Variants in ACSM3 observed in about 807,000 individuals in gnomAD.
The protein encoded by ACSM3 is acyl-coenzyme A synthetase ACSM3, mitochondrial.
Under a neutral mutation model 74.1 loss-of-function variants are expected in ACSM3, and 61 were observed. That is an observed-to-expected ratio of 0.82 (90% CI 0.67 to 1.02). The LOEUF (loss-of-function observed/expected upper bound fraction) is 1.02, where lower values mean the gene tolerates loss of function less well. ACSM3 is among the 50% of genes least tolerant of loss of function. The pLI, the probability that ACSM3 is intolerant of heterozygous loss-of-function variation, is 0.00. For synonymous variants in ACSM3, 213 were observed against 241.5 expected (o/e 0.88, Z 1.09); for missense variants, 660 against 697.0 (o/e 0.95, Z 0.60).
In ACSM3 at chr16:20,771,305, C is replaced by A. The variant is rs1324449117; in HGVS notation, c.219+1052C>A. ...TGAACTCCTGGTCTCAAGTGATCCG[C>A]CCACCTTGGCCTCCCAAAGCACTGG... On this transcript the variant is annotated intron_variant, in intron 2 of 13. Transcript: ENST00000289416. Among the ~76,000 whole-genome samples the A allele has an allele frequency of 3.3e-5, 5 of 152,136 alleles. No individual in the cohort carries two copies. In the East Asian group the frequency reaches 9.6e-4, roughly 29 times the overall value.
chr16:20,751,975 C>T (rs2079991929), intron 2 of ACSM3, among the ~76,000 whole-genome samples: 1 of 151,984 alleles, frequency 6.6e-6, no homozygotes. Context: ...TTCGTTTCCT[C>T]ACATTAAAAA....
At chr16:20,700,271 A>G (rs2079709570) in intron 1 of ACSM3, among the ~76,000 whole-genome samples, 1 of 152,172 alleles carries the variant, frequency 6.6e-6, no homozygotes, top group Non-Finnish European at 1.5e-5. Flanking sequence ...CATGTAAGAC[A>G]AGGTTGGTGC....
At chr16:20,792,726 G>A in intron 12 of ACSM3, 10 of 985,334 alleles carry the variant, frequency 1.0e-5, no homozygotes, top group Non-Finnish European at 1.1e-5. Context: ...AAGGAGAATG[G>A]GCTGGCATCA....
chr16:20,686,144 A>G (rs2079550133), intron 1 of ACSM3, among the ~76,000 whole-genome samples: 1 of 152,176 alleles, frequency 6.6e-6, no homozygotes, highest in African/African-American at 2.4e-5. Flanking sequence ...TAAATGCTCA[A>G]TAAATATTAT....
intron 2 of ACSM3, 123 bp downstream of exon 2, chr16:20,770,376 G>T: frequency 1.3e-6 from 1 of 793,222 alleles, no homozygotes; most frequent in South Asian, 1.8e-5. Context: ...AGTTGCTACT[G>T]GCATCTAACA....
At chr16:20,722,309 T>C (rs1465441104) in intron 1 of ACSM3, 1 of 152,184 alleles carries the variant, frequency 6.6e-6, no homozygotes, top group Admixed American at 6.5e-5. Context: ...GTTGCAACAA[T>C]GTTTTTGGTT....
At chr16:20,789,915 C>G (rs1048152923) in intron 9 of ACSM3, among the ~76,000 whole-genome samples, 17 of 151,682 alleles carry the variant, frequency 1.1e-4, no homozygotes, top group Non-Finnish European at 2.1e-4. Context: ...CTCAGGCGAT[C>G]CACCCGCCTC....
intron 1 of ACSM3, among the ~76,000 whole-genome samples, chr16:20,742,813 A>ATATATATATATATATTTTT (rs61582869): frequency 4.5e-5 from 3 of 66,820 alleles, no homozygotes; most frequent in African/African-American, 1.3e-4. Flanking sequence ...ATATATATAT[A>ATATATATATATATATTTTT]TTTTTTTTTT....
At chr16:20,767,198 G>A (rs1477575560) in intron 1 of ACSM3, among the ~76,000 whole-genome samples, 3 of 152,148 alleles carry the variant, frequency 2.0e-5, no homozygotes, top group South Asian at 4.1e-4. Context: ...GCAGCCAAAA[G>A]CATAGGTTGT....
rs144491412 is a variant in ACSM3 at position 20,788,907 on chromosome 16, G to A, written c.1225-1680G>A. ...CAAGAGCTTAAAGAGAAGTTTTTAC[G>A]CTTAGAATTCCTTTGCCATTTAAGT... On this transcript the variant is annotated intron_variant, in intron 9 of 13. Transcript: ENST00000289416. Among the ~76,000 whole-genome samples the A allele has an allele frequency of 2.6e-3, 403 of 152,164 alleles. 1 individual carries two copies. Among genetic ancestry groups the A allele is most frequent in the Admixed American group, 6.3e-3 (96 of 15,272 alleles).
In ACSM3 at chr16:20,797,322, C is replaced by G; in HGVS notation, c.*350C>G. The G allele has an allele frequency of 9.9e-7, 1 of 1,014,968 alleles. No homozygotes were observed. Among genetic ancestry groups the G allele is most frequent in the Non-Finnish European group, 1.2e-6 (1 of 850,598 alleles). 62.9% of individuals were successfully genotyped at this position (1,014,968 alleles called of 1,614,324 possible). On this transcript the variant is annotated 3_prime_UTR_variant, in exon 14 of 14. Coordinates refer to ENST00000289416, the MANE Select transcript of ACSM3 (RefSeq NM_005622.4). ...TCTTCTGATATGTTGATATACAAAT[C>G]AGAACCAATGTTCAAGCCTGAAATA...
rs187852697 is a variant in ACSM3, at chr16:20,786,770, C to G, written c.1224+612C>G. 7.6e-3 allele frequency among the ~76,000 whole-genome samples: 1,151 copies of G among 152,292 alleles called. 10 individuals carry two copies. Among genetic ancestry groups the G allele is most frequent in the African/African-American group, 0.027 (1,122 of 41,546 alleles). On this transcript the variant is annotated intron_variant, in intron 9 of 13. Transcript: ENST00000289416. The stretch of plus-strand genomic sequence containing the variant: ...TTAGAACCATTTTACAAACAAGGCA[C>G]AAAGAGGTAAAAGAACTCACCAGAA...
At chr16:20,706,861 G>C (rs1438814084) in intron 1 of ACSM3, among the ~76,000 whole-genome samples, 2 of 152,064 alleles carry the variant, frequency 1.3e-5, no homozygotes, top group East Asian at 3.9e-4. Flanking sequence ...CCCAGAGAGA[G>C]ACATGTCCAT....
intron 1 of ACSM3, among the ~76,000 whole-genome samples, chr16:20,716,840 C>T (rs2079763524): frequency 6.6e-6 from 1 of 152,136 alleles, no homozygotes; most frequent in South Asian, 2.1e-4. Flanking sequence ...CTTCGTAGCC[C>T]CCACGGCCTG....
intron 5 of ACSM3, 54 bp from the exon 6 acceptor site, chr16:20,780,920 G>A (rs2080338760): frequency 6.2e-7 from 1 of 1,612,216 alleles, no homozygotes; most frequent in Non-Finnish European, 8.5e-7. Flanking sequence ...CTTATGTACT[G>A]GTCTTTTATA....
rs1012622163 is a variant in ACSM3, at chr16:20,797,389, A to G, written c.*417A>G. The G allele has an allele frequency of 1.2e-4, 123 of 986,270 alleles. No individual in the cohort carries two copies. The highest frequency in any genetic ancestry group is 1.4e-4 in the Non-Finnish European group (114 of 824,760). The allele number at this position is 986,270 out of a possible 1,614,324, so 61.1% of individuals were successfully genotyped here. On this transcript the variant is annotated 3_prime_UTR_variant, in exon 14 of 14. Coordinates refer to ENST00000289416, the MANE Select transcript of ACSM3 (RefSeq NM_005622.4). ...AAAAGTTTTTAGAAAAATATAAAAT[A>G]TCAGTTAGAAGATTATGATAATCTC...
At chr16:20,765,606 A>G (rs928960498) in intron 1 of ACSM3, among the ~76,000 whole-genome samples, 1 of 152,178 alleles carries the variant, frequency 6.6e-6, no homozygotes, top group African/African-American at 2.4e-5. Flanking sequence ...GTCTTCCTTA[A>G]TAGTCTATAA....
chr16:20,780,914 T>G (rs1194288314), intron 5 of ACSM3, 57 bp downstream of exon 5: 5 of 1,612,880 alleles, frequency 3.1e-6, no homozygotes, highest in African/African-American at 1.3e-5. Context: ...TGATGACTTA[T>G]GTACTGGTCT....
At chr16:20,741,996 A>T in intron 1 of ACSM3, 2 of 1,502,100 alleles carry the variant, frequency 1.3e-6, no homozygotes, top group Non-Finnish European at 1.8e-6. Context: ...CATAGCAGCC[A>T]TTCTGGAAGT....
Sources: allele counts gnomAD v4.1 joint callset (sites outside exome capture counted in the v4.1 genomes callset), GRCh38; gene constraint gnomAD v4.1.1; transcripts MANE v1.5; gene names NCBI Gene and HGNC (gene_info 2026-07-23, HGNC 2026-07-21).